Variants in TMEM132D observed in about 807,000 individuals in gnomAD.
TMEM132D encodes the protein transmembrane protein 132D, also known as mature OL transmembrane protein.
In TMEM132D, 21 loss-of-function variants were observed where a neutral mutation model predicts 62.3. The observed-to-expected ratio is 0.34, with a 90% CI of 0.24 to 0.49. The LOEUF (loss-of-function observed/expected upper bound fraction) is 0.49. Ranked by LOEUF, TMEM132D falls within the 20% of genes least tolerant of loss-of-function variation. The pLI, the probability that TMEM132D is intolerant of heterozygous loss-of-function variation, is 0.99. For synonymous variants in TMEM132D, 621 were observed against 575.6 expected (o/e 1.08, Z -1.13); for missense variants, 1,346 against 1,402.8 (o/e 0.96, Z 0.65).
chr12:129,420,310 T>TTTTTTTTTTTTTTTTG (rs1872270473), intron 3 of TMEM132D, among the ~76,000 whole-genome samples: 1 of 38,472 alleles, frequency 2.6e-5, no homozygotes. Context: ...TTCTCTGTTT[T>TTTTTTTTTTTTTTTTG]TTTTTTTTTT....
At chr12:129,836,017 A>G (rs1872992226) in intron 1 of TMEM132D, among the ~76,000 whole-genome samples, 1 of 152,222 alleles carries the variant, frequency 6.6e-6, no homozygotes. Context: ...GAAATGAGAA[A>G]TACAACTCTG....
chr12:129,348,801 C>A (rs986883443), intron 3 of TMEM132D, among the ~76,000 whole-genome samples: 1 of 152,306 alleles, frequency 6.6e-6, no homozygotes, highest in African/African-American at 2.4e-5. Flanking sequence ...GCACCTGAAC[C>A]AATGATGGCC....
chr12:129,424,135 T>C (rs1010264235), intron 3 of TMEM132D, among the ~76,000 whole-genome samples: 1 of 151,702 alleles, frequency 6.6e-6, no homozygotes, highest in African/African-American at 2.4e-5. Flanking sequence ...ATAATTCTAA[T>C]GAAATGTAGG....
chr12:129,625,613 A>G (rs879896801), intron 2 of TMEM132D, among the ~76,000 whole-genome samples: 3 of 152,236 alleles, frequency 2.0e-5, no homozygotes, highest in Non-Finnish European at 4.4e-5. Context: ...CAGTGCACAG[A>G]CCAGCAAAAC....
chr12:129,474,201 C>T (rs1418481756), intron 3 of TMEM132D, among the ~76,000 whole-genome samples: 1 of 152,190 alleles, frequency 6.6e-6, no homozygotes, highest in Non-Finnish European at 1.5e-5. Flanking sequence ...GACTCGGGAA[C>T]AGGAGTCTCC....
chr12:129,336,276 A>G (rs1166903746), intron 4 of TMEM132D, among the ~76,000 whole-genome samples: 2 of 152,124 alleles, frequency 1.3e-5, no homozygotes, highest in Non-Finnish European at 2.9e-5. Flanking sequence ...ACCATTATAC[A>G]TTCTTAGAAC....
chr12:129,102,141 G>T (rs1025452684), intron 5 of TMEM132D, among the ~76,000 whole-genome samples: 1 of 152,130 alleles, frequency 6.6e-6, no homozygotes, highest in African/African-American at 2.4e-5. Flanking sequence ...CCTCTGTGCT[G>T]TTGGTACCTT....
At chr12:129,851,813 C>T (rs1054789381) in intron 1 of TMEM132D, among the ~76,000 whole-genome samples, 1 of 152,160 alleles carries the variant, frequency 6.6e-6, no homozygotes, top group Non-Finnish European at 1.5e-5. Flanking sequence ...GCCACAGGGT[C>T]TTTGCCACAA....
chr12:129,134,192 G>GTC (rs1876485123), intron 5 of TMEM132D, among the ~76,000 whole-genome samples: 2 of 151,762 alleles, frequency 1.3e-5, no homozygotes, highest in African/African-American at 2.4e-5. Context: ...GTGTGTCTGT[G>GTC]TGTGTGTCTG....
At chr12:129,834,077 G>A (rs990269581) in intron 1 of TMEM132D, among the ~76,000 whole-genome samples, 1 of 152,066 alleles carries the variant, frequency 6.6e-6, no homozygotes, top group Non-Finnish European at 1.5e-5. Context: ...AGGCCCATCT[G>A]CTCCATAAGG....
At chr12:129,132,237 C>T (rs1045726799) in intron 5 of TMEM132D, among the ~76,000 whole-genome samples, 3 of 152,168 alleles carry the variant, frequency 2.0e-5, no homozygotes, top group African/African-American at 7.2e-5. Context: ...TACCAACCTA[C>T]CTATCTATCT....
chr12:129,818,568 G>A (rs1872446277), intron 1 of TMEM132D, among the ~76,000 whole-genome samples: 2 of 117,734 alleles, frequency 1.7e-5, no homozygotes, highest in Non-Finnish European at 3.7e-5. Flanking sequence ...GTGTATGTGT[G>A]TATGTGTATG....
At chr12:129,750,037 G>A (rs186240230) in intron 1 of TMEM132D, among the ~76,000 whole-genome samples, 70 of 152,232 alleles carry the variant, frequency 4.6e-4, no homozygotes, top group African/African-American at 1.5e-3. Flanking sequence ...CATTCAGTCC[G>A]TCTCTACTGA....
At chr12:129,739,948 G>T (rs941477867) in intron 1 of TMEM132D, among the ~76,000 whole-genome samples, 1 of 152,130 alleles carries the variant, frequency 6.6e-6, no homozygotes, top group Non-Finnish European at 1.5e-5. Context: ...AAAATAATGA[G>T]CCTTTGTCTT....
At chr12:129,605,967 G>A (rs1000894099) in intron 2 of TMEM132D, among the ~76,000 whole-genome samples, 2 of 152,110 alleles carry the variant, frequency 1.3e-5, no homozygotes, top group African/African-American at 4.8e-5. Context: ...GGCCTCCAGG[G>A]TGGCTGTGTA....
In TMEM132D at chr12:129,083,396, G is replaced by A. The variant is rs544355331; in HGVS notation, c.1649+1101C>T. ...AACCAGGCAGCTGTGACAGCGTGTG[G>A]GATGCACTGCAGTGAGACTCAGCCA... On this transcript the variant is annotated intron_variant, in intron 6 of 8. Transcript: ENST00000422113. 3.7e-4 allele frequency among the ~76,000 whole-genome samples: 56 copies of A among 152,300 alleles called. 1 individual carries two copies. In the South Asian group the frequency reaches 0.011, roughly 31 times the overall value.
intron 1 of TMEM132D, among the ~76,000 whole-genome samples, chr12:129,849,926 A>G (rs73160270): frequency 0.17 from 25,681 of 152,166 alleles, 2,703 homozygotes; most frequent in South Asian, 0.25. Context: ...ACACCACCTC[A>G]GCCTGCCTGT....
At chr12:129,317,878 T>G (rs1272853583) in intron 4 of TMEM132D, among the ~76,000 whole-genome samples, 1 of 152,210 alleles carries the variant, frequency 6.6e-6, no homozygotes, top group Non-Finnish European at 1.5e-5. Flanking sequence ...GTTGGGTTAA[T>G]TCAAAGATCT....
intron 1 of TMEM132D, among the ~76,000 whole-genome samples, chr12:129,745,400 C>T (rs1350316301): frequency 6.6e-6 from 1 of 152,148 alleles, no homozygotes; most frequent in African/African-American, 2.4e-5. Flanking sequence ...GTCCATAGAT[C>T]AGAGATCTGG....
Sources: gnomAD v4.1 joint callset for allele counts (sites outside exome capture counted in the v4.1 genomes callset) on GRCh38, gnomAD v4.1.1 for gene constraint, MANE v1.5 for transcripts, NCBI Gene and HGNC (gene_info 2026-07-23, HGNC 2026-07-21) for gene names.